Variants in PRKN observed in about 807,000 individuals in gnomAD.
PRKN encodes parkin RBR E3 ubiquitin protein ligase.
PRKN carries 56 observed loss-of-function variants against 59.5 expected under a neutral mutation model. That is an observed-to-expected ratio of 0.94 (90% CI 0.76 to 1.18). The LOEUF (loss-of-function observed/expected upper bound fraction) is 1.18, where lower values mean the gene tolerates loss of function less well. Among genes scored for constraint, PRKN ranks in the 50% most tolerant of loss-of-function variants. PRKN has a pLI of 0.00. For synonymous variants in PRKN, 250 were observed against 222.1 expected (o/e 1.13, Z -1.12); for missense variants, 657 against 596.4 (o/e 1.10, Z -1.06).
At chr6:162,133,066 G>C (rs975654367) in intron 4 of PRKN, among the ~76,000 whole-genome samples, 3 of 152,106 alleles carry the variant, frequency 2.0e-5, no homozygotes, top group African/African-American at 7.2e-5. Flanking sequence ...AGTGGACTTA[G>C]GGTTTTACTG....
At chr6:161,766,305 A>G (rs1351986769) in intron 7 of PRKN, among the ~76,000 whole-genome samples, 1 of 122,416 alleles carries the variant, frequency 8.2e-6, no homozygotes, top group African/African-American at 3.0e-5. Context: ...GCCTGCTGTC[A>G]TTGACCACAT....
At chr6:161,949,810 A>C (rs1490430535) in intron 6 of PRKN, among the ~76,000 whole-genome samples, 1 of 152,168 alleles carries the variant, frequency 6.6e-6, no homozygotes, top group Non-Finnish European at 1.5e-5. Flanking sequence ...CTGATTCCAC[A>C]GCTTTTGGAG....
intron 2 of PRKN, among the ~76,000 whole-genome samples, chr6:162,434,785 T>G (rs1343258915): frequency 1.3e-5 from 2 of 152,192 alleles, no homozygotes; most frequent in Non-Finnish European, 2.9e-5. Flanking sequence ...CATACTCCCA[T>G]ATGTATTCAT....
intron 9 of PRKN, among the ~76,000 whole-genome samples, chr6:161,485,536 C>T (rs73589798): frequency 0.014 from 2,145 of 152,176 alleles, 50 homozygotes; most frequent in African/African-American, 0.049. Context: ...TAGTTTTCAT[C>T]CCCTCCCAAA....
chr6:162,235,784 C>A lies in PRKN; in HGVS notation c.412+26741G>T, dbSNP rs111588028. Among the ~76,000 whole-genome samples the A allele has an allele frequency of 9.6e-3, 1,431 of 148,564 alleles. 12 individuals are homozygous for A. Among genetic ancestry groups the A allele is most frequent in the Non-Finnish European group, 0.016 (1,077 of 67,542 alleles). ...CACCATTGCACTCTAGCCTGGGTGA[C>A]AGAGCAAGACTCTGTCTCAAAGAAA... is the stretch of plus-strand genomic sequence containing the variant. On this transcript the variant is annotated intron_variant, in intron 3 of 11. Coordinates refer to ENST00000366898, the MANE Select transcript of PRKN (RefSeq NM_004562.3).
intron 10 of PRKN, among the ~76,000 whole-genome samples, chr6:161,382,111 C>CAAAAAAAAAAAAAAA (rs59174358): frequency 1.3e-4 from 6 of 46,282 alleles, no homozygotes; most frequent in African/African-American, 2.0e-4. Context: ...GACTCCATCT[C>CAAAAAAAAAAAAAAA]AAAAAAAAAA....
chr6:162,164,663 T>G (rs1392390693), intron 4 of PRKN, among the ~76,000 whole-genome samples: 1 of 149,008 alleles, frequency 6.7e-6, no homozygotes, highest in Non-Finnish European at 1.5e-5. Context: ...ATTGAAATAT[T>G]TATTATAATG....
At chr6:162,320,788 A>C (rs1195597152) in intron 2 of PRKN, among the ~76,000 whole-genome samples, 1 of 151,850 alleles carries the variant, frequency 6.6e-6, no homozygotes, top group Non-Finnish European at 1.5e-5. Flanking sequence ...TGCATTTCTA[A>C]ACAAGCCTTG....
chr6:162,708,516 C>G (rs945670585), intron 1 of PRKN, among the ~76,000 whole-genome samples: 2 of 152,232 alleles, frequency 1.3e-5, no homozygotes, highest in Admixed American at 1.3e-4. Context: ...AACAACCTAA[C>G]ACGGCTTTCA....
chr6:162,155,114 A>AAC (rs879330108), intron 4 of PRKN, among the ~76,000 whole-genome samples: 1 of 148,600 alleles, frequency 6.7e-6, no homozygotes, highest in East Asian at 2.0e-4. Context: ...AAAAAAAAAA[A>AAC]CAACAAAATG....
intron 9 of PRKN, among the ~76,000 whole-genome samples, chr6:161,412,022 CA>C (rs1787582604): frequency 1.3e-5 from 2 of 148,370 alleles, no homozygotes; most frequent in Admixed American, 6.7e-5. Flanking sequence ...CTCATTCATT[CA>C]CTCATTCATT....
intron 2 of PRKN, among the ~76,000 whole-genome samples, chr6:162,313,486 AATTTTTTTTT>A (rs1175720458): frequency 6.6e-6 from 1 of 151,758 alleles, no homozygotes; most frequent in Non-Finnish European, 1.5e-5. Flanking sequence ...ATACTGTATC[AATTTTTTTTT>A]ATTTTTTTGA....
chr6:162,097,941 T>C (rs751163407), intron 4 of PRKN, among the ~76,000 whole-genome samples: 2 of 152,172 alleles, frequency 1.3e-5, no homozygotes, highest in Non-Finnish European at 2.9e-5. Context: ...AAGTTTTAGG[T>C]GATTTCTTGG....
At chr6:161,586,363 C>G (rs1331454871) in intron 7 of PRKN, among the ~76,000 whole-genome samples, 2 of 152,178 alleles carry the variant, frequency 1.3e-5, no homozygotes, top group Non-Finnish European at 2.9e-5. Flanking sequence ...AAATTCAGGT[C>G]AGTGGGACTT....
chr6:162,251,897 G>A (rs1465625614), intron 3 of PRKN, among the ~76,000 whole-genome samples: 1 of 152,090 alleles, frequency 6.6e-6, no homozygotes, highest in Non-Finnish European at 1.5e-5. Flanking sequence ...CCTCTTGATA[G>A]TTTTCCATTT....
chr6:162,687,713 AAATT>A (rs1369911554), intron 1 of PRKN, among the ~76,000 whole-genome samples: 1 of 152,200 alleles, frequency 6.6e-6, no homozygotes, highest in Non-Finnish European at 1.5e-5. Context: ...ATGTGTATGT[AAATT>A]TTCCCACCTG....
rs1408185132 is a variant in PRKN, at chr6:161,363,851, G to A, written c.1168-3646C>T. Among the ~76,000 whole-genome samples, 2 of 152,142 alleles carry A rather than the reference G, an allele frequency of 1.3e-5. No individual in the cohort carries two copies. The highest frequency in any genetic ancestry group is 2.9e-5 in the Non-Finnish European group (2 of 68,030). ...TAAAAAACAGCATTTCCCATCAACAGAAGTTCATTAAAGAAACATGATTTG... is the reference window on the plus strand; with the variant it reads ...TAAAAAACAGCATTTCCCATCAACAAAAGTTCATTAAAGAAACATGATTTG... On this transcript the variant is annotated intron_variant, in intron 10 of 11. Transcript: ENST00000366898. The surrounding 1 kb of genome is among the most constrained non-coding windows in gnomAD (Gnocchi z 4.1).
rs536133761 is a variant in PRKN at position 161,800,036 on chromosome 6, G to A, written c.735-14128C>T. Among the ~76,000 whole-genome samples, 8 of 152,314 alleles carry A rather than the reference G, an allele frequency of 5.3e-5. No homozygotes were observed. The South Asian group carries it at 8.3e-4, about 16-fold the overall frequency. ...TTTAAGACATACTCAGGAATTCAGC[G>A]CTTGGACAATGGCAAGTCAGGACAA... On this transcript the variant is annotated intron_variant, in intron 6 of 11. Coordinates refer to ENST00000366898, the MANE Select transcript of PRKN (RefSeq NM_004562.3).
intron 1 of PRKN, among the ~76,000 whole-genome samples, chr6:162,611,997 A>T (rs543928591): frequency 1.3e-5 from 2 of 151,378 alleles, no homozygotes; most frequent in African/African-American, 2.4e-5. Context: ...CATCCTGGCT[A>T]ACACGGTGAA....
Sources: gnomAD v4.1 joint callset for allele counts (sites outside exome capture counted in the v4.1 genomes callset) on GRCh38, gnomAD v4.1.1 for gene constraint, Gnocchi (gnomAD v3.1) non-coding constraint, MANE v1.5 for transcripts, NCBI Gene and HGNC (gene_info 2026-07-23, HGNC 2026-07-21) for gene names.